Variants in MATN2 observed in about 807,000 individuals in gnomAD.
MATN2 encodes the protein matrilin 2.
Under a neutral mutation model 103.2 loss-of-function variants are expected in MATN2, and 69 were observed. That is an observed-to-expected ratio of 0.67 (90% CI 0.55 to 0.82). The LOEUF (loss-of-function observed/expected upper bound fraction) is 0.82, where lower values mean the gene tolerates loss of function less well. Ranked by LOEUF, MATN2 falls within the 40% of genes least tolerant of loss-of-function variation. The probability of loss-of-function intolerance (pLI) is 0.00; values close to 1 mark genes in which losing one functional copy is unlikely to be tolerated. For synonymous variants in MATN2, 429 were observed against 450.2 expected (o/e 0.95, Z 0.60); for missense variants, 1,023 against 1,211.5 (o/e 0.84, Z 2.31).
At chr8:97,936,626 C>T (rs1014278729) in intron 3 of MATN2, among the ~76,000 whole-genome samples, 3 of 152,140 alleles carry the variant, frequency 2.0e-5, no homozygotes, top group African/African-American at 7.2e-5. Context: ...AAATCCAATC[C>T]CACCAATGAC....
At chr8:97,902,508 A>AG (rs1173035734) in intron 2 of MATN2, among the ~76,000 whole-genome samples, 2 of 151,644 alleles carry the variant, frequency 1.3e-5, no homozygotes, top group Non-Finnish European at 2.9e-5. Context: ...AAAAAAAAAA[A>AG]AAGAATAAAA....
intron 10 of MATN2, among the ~76,000 whole-genome samples, chr8:98,008,451 G>A (rs1813047349): frequency 6.6e-6 from 1 of 152,182 alleles, no homozygotes; most frequent in Admixed American, 6.5e-5. Context: ...CTGACCACTG[G>A]TATAATTGTA....
intron 1 of MATN2, among the ~76,000 whole-genome samples, chr8:97,878,712 A>G (rs1339594906): frequency 6.6e-6 from 1 of 152,008 alleles, no homozygotes; most frequent in Non-Finnish European, 1.5e-5. Context: ...TTAGCTGGGC[A>G]TGGTGGCGGG....
In MATN2 at chr8:97,871,020, C is replaced by T. The variant is rs1586360345; in HGVS notation, c.-27+1733C>T. 2.6e-5 allele frequency among the ~76,000 whole-genome samples: 4 copies of T among 152,152 alleles called. No individual in the cohort carries two copies. In the East Asian group the frequency reaches 5.8e-4, roughly 22 times the overall value. ...AATCGGGGCTCTGGGGTTTCTTGTT[C>T]CCAGGCAACCCAGGGCCACCAAGGC... On this transcript the variant is annotated intron_variant, in intron 1 of 18. Coordinates refer to ENST00000254898, the MANE Select transcript of MATN2 (RefSeq NM_002380.5).
intron 7 of MATN2, among the ~76,000 whole-genome samples, chr8:97,997,817 GT>G (rs34347663): frequency 0.35 from 46,097 of 133,546 alleles, 8,022 homozygotes; most frequent in African/African-American, 0.42. Flanking sequence ...TTTGGAGAAG[GT>G]TTTTTTTTTT....
At chr8:98,024,573 C>T (rs1195108241) in intron 13 of MATN2, among the ~76,000 whole-genome samples, 2 of 152,196 alleles carry the variant, frequency 1.3e-5, no homozygotes, top group Non-Finnish European at 2.9e-5. Context: ...GCAGAGGTGT[C>T]CAAAGATGGG....
chr8:97,875,570 G>A (rs142720547), intron 1 of MATN2, among the ~76,000 whole-genome samples: 16 of 151,844 alleles, frequency 1.1e-4, no homozygotes, highest in East Asian at 5.8e-4. Flanking sequence ...ATAAATTATC[G>A]TCTTCCCCTA....
chr8:97,923,337 G>A (rs748209031), intron 2 of MATN2, among the ~76,000 whole-genome samples: 1 of 151,958 alleles, frequency 6.6e-6, no homozygotes, highest in Admixed American at 6.6e-5. Flanking sequence ...GTCACCCTTC[G>A]GTAATTTTTA....
At chr8:98,029,503 G>A (rs969167850) in intron 14 of MATN2, among the ~76,000 whole-genome samples, 3 of 152,108 alleles carry the variant, frequency 2.0e-5, no homozygotes, top group African/African-American at 7.2e-5. Flanking sequence ...ATTTATATGA[G>A]GTGACATCCT....
chr8:97,954,921 G>A (rs758983464), intron 4 of MATN2, among the ~76,000 whole-genome samples: 11 of 152,320 alleles, frequency 7.2e-5, no homozygotes, highest in South Asian at 2.1e-4. Flanking sequence ...CACCCCTAGT[G>A]GCAGGTCAGA....
At chr8:98,009,759 T>C (rs1305189990) in intron 10 of MATN2, among the ~76,000 whole-genome samples, 1 of 152,058 alleles carries the variant, frequency 6.6e-6, no homozygotes. Flanking sequence ...GATGGGGCGA[T>C]CTCTTTTACC....
chr8:98,033,164 A>G lies in MATN2; in HGVS notation c.2704A>G (p.Thr902Ala). 1 of 1,603,954 alleles carries G rather than the reference A, an allele frequency of 6.2e-7. No homozygotes were observed. The highest frequency in any genetic ancestry group is 1.1e-5 in the South Asian group (1 of 88,084). ...LRSTQKLSHSTKPSGSPLEEK... is the reference protein window; with the variant it reads ...LRSTQKLSHSAKPSGSPLEEK... ...GTCTACACAAAAGCTTTCCCATTCA[A>G]CAAAACCTTCAGGTAATTCCAAGTA... Residue 902 changes from threonine to alanine, a missense_variant, in exon 17 of 19, where the codon ACA (threonine) becomes GCA (alanine). Thr to Ala is a moderately conservative substitution (Grantham distance 58). Transcript: ENST00000254898.
chr8:97,895,766 T>C (rs76314955), intron 2 of MATN2, among the ~76,000 whole-genome samples: 15,181 of 152,252 alleles, frequency 0.1, 988 homozygotes, highest in African/African-American at 0.18. Context: ...ACCTAATCCA[T>C]AGCAGGAGCA....
intron 8 of MATN2, chr8:98,004,043 C>G (rs1812875291): frequency 2.7e-6 from 1 of 374,938 alleles, no homozygotes; most frequent in African/African-American, 2.1e-5. Context: ...AATCCCAGCA[C>G]AGGGAGGCCA....
chr8:97,888,536 A>G (rs1818522175), intron 2 of MATN2, among the ~76,000 whole-genome samples: 1 of 152,170 alleles, frequency 6.6e-6, no homozygotes, highest in Non-Finnish European at 1.5e-5. Context: ...TGTTGGACCT[A>G]TCTGAGCAAA....
At chr8:98,032,368 GT>G in intron 16 of MATN2, 51 bp downstream of exon 16, 18 of 1,372,950 alleles carry the variant, frequency 1.3e-5, no homozygotes, top group Non-Finnish European at 1.8e-5. Context: ...GGGAACCATG[GT>G]TTCCCTCCAG....
Position 98,035,755 on chromosome 8 carries a change from T to C in MATN2, c.*43T>C, listed in dbSNP as rs772495879. On this transcript the variant is annotated 3_prime_UTR_variant, in exon 19 of 19. Transcript: ENST00000254898. Reference sequence around the variant, plus strand: ...ACATTTGTAGTCATTGTATCACGGATTACAATGAACGCAGTGCAGAGCCCC... The same window carrying C: ...ACATTTGTAGTCATTGTATCACGGACTACAATGAACGCAGTGCAGAGCCCC... The C allele has an allele frequency of 7.3e-7, 1 of 1,363,174 alleles. No individual in the cohort carries two copies. The highest frequency in any genetic ancestry group is 2.3e-5 in the East Asian group (1 of 42,794). The allele number at this position is 1,363,174 out of a possible 1,614,324, so 84.4% of individuals were successfully genotyped here. A position where few individuals can be genotyped will look rare whatever the true frequency, so the allele number is the denominator to read the frequency against.
intron 2 of MATN2, among the ~76,000 whole-genome samples, chr8:97,898,753 C>T (rs1006749285): frequency 2.0e-5 from 3 of 152,190 alleles, no homozygotes; most frequent in Admixed American, 2.0e-4. Context: ...ATTCAAGAAG[C>T]GAACTTGCTG....
chr8:97,925,631 G>A (rs1291743788), intron 2 of MATN2, among the ~76,000 whole-genome samples: 1 of 152,142 alleles, frequency 6.6e-6, no homozygotes, highest in African/African-American at 2.4e-5. Flanking sequence ...TCTCTTTTGA[G>A]TCTCACAACA....
Sources: gnomAD v4.1 joint callset for allele counts (sites outside exome capture counted in the v4.1 genomes callset) on GRCh38, gnomAD v4.1.1 for gene constraint, MANE v1.5 for transcripts, NCBI Gene and HGNC (gene_info 2026-07-23, HGNC 2026-07-21) for gene names.